Variants in TCF24 observed in about 807,000 individuals in gnomAD.
The protein encoded by TCF24 is transcription factor 24.
TCF24 carries 5 observed loss-of-function variants against 9.3 expected under a neutral mutation model. That is an observed-to-expected ratio of 0.54 (90% confidence interval 0.28 to 1.13). The LOEUF (loss-of-function observed/expected upper bound fraction) is 1.13. TCF24 is among the 50% of genes most tolerant of loss of function. The pLI, the probability that TCF24 is intolerant of heterozygous loss-of-function variation, is 0.09. For missense variants in TCF24, 220 were observed against 236.1 expected (o/e 0.93, Z 0.45); for synonymous variants, 110 against 115.8 (o/e 0.95, Z 0.32).
chr8:66,954,790 C>A (rs1048763471), intron 3 of TCF24, among the ~76,000 whole-genome samples: 4 of 152,286 alleles, frequency 2.6e-5, no homozygotes, highest in Admixed American at 2.0e-4. Flanking sequence ...GGGATATAAT[C>A]TCGTGGTGTG....
intron 3 of TCF24, 114 bp downstream of exon 3, chr8:66,961,262 C>T: frequency 7.8e-7 from 1 of 1,280,586 alleles, no homozygotes. Context: ...TCCCGGTCGG[C>T]TTCCCGCCTC....
rs899843871 is a variant in TCF24 at position 66,962,546 on chromosome 8, A to T, written c.-352T>A. 1.1e-4 allele frequency: 16 copies of T among 151,932 alleles called. No individual in the cohort carries two copies. The highest frequency in any genetic ancestry group is 3.9e-4 in the African/African-American group (16 of 41,380). 9.4% of individuals were successfully genotyped at this position (151,932 alleles called of 1,614,324 possible). On this transcript the variant is annotated 5_prime_UTR_variant, in exon 1 of 4. Coordinates refer to ENST00000563496, the MANE Select transcript of TCF24 (RefSeq NM_001193502.2). ...CGACCGGCTAAGGCAGGTCGGGCGG[A>T]GGACCTGGCCCACCGGAGAGGCTAC...
chr8:66,957,350 G>T (rs1324503698), intron 3 of TCF24, among the ~76,000 whole-genome samples: 1 of 150,638 alleles, frequency 6.6e-6, no homozygotes, highest in Non-Finnish European at 1.5e-5. Context: ...CCAGGAGGCG[G>T]AGGTTGCAGT....
chr8:66,948,200 A>G, intron 3 of TCF24, 36 bp from the exon 4 acceptor site: 1 of 1,458,412 alleles, frequency 6.9e-7, no homozygotes, highest in Non-Finnish European at 9.2e-7. Flanking sequence ...TTCAAAAGTT[A>G]GTATCTATGA....
intron 3 of TCF24, among the ~76,000 whole-genome samples, chr8:66,959,773 C>T (rs1814224580): frequency 6.6e-6 from 1 of 152,132 alleles, no homozygotes. Flanking sequence ...TAATCCTTGG[C>T]TTTGGATCAT....
At chr8:66,951,972 G>C (rs1814065886) in intron 3 of TCF24, among the ~76,000 whole-genome samples, 1 of 145,704 alleles carries the variant, frequency 6.9e-6, no homozygotes, top group South Asian at 2.3e-4. Flanking sequence ...GTGTCTATTT[G>C]ATTCTTCTCT....
intron 3 of TCF24, among the ~76,000 whole-genome samples, chr8:66,952,938 C>T (rs1181835976): frequency 2.6e-3 from 319 of 123,458 alleles, no homozygotes; most frequent in African/African-American, 9.7e-3. Context: ...TTTTGTTTTC[C>T]ATTTGCTTGG....
intron 3 of TCF24, among the ~76,000 whole-genome samples, chr8:66,949,554 G>A (rs1328779994): frequency 7.9e-5 from 12 of 152,048 alleles, no homozygotes; most frequent in South Asian, 2.1e-4. Context: ...GAATAATGCC[G>A]CAATAAACAT....
intron 3 of TCF24, among the ~76,000 whole-genome samples, chr8:66,954,457 A>G (rs1478720595): frequency 7.2e-5 from 11 of 152,216 alleles, no homozygotes; most frequent in African/African-American, 2.2e-4. Context: ...CCGTTCTCAG[A>G]TCTCCAGCTG....
intron 3 of TCF24, among the ~76,000 whole-genome samples, chr8:66,952,296 C>G (rs201987430): frequency 0.015 from 1,982 of 135,640 alleles, 5 homozygotes; most frequent in Admixed American, 0.026. Flanking sequence ...TATGTTGTGT[C>G]TTTGTTCTCG....
intron 3 of TCF24, 41 bp from the exon 4 acceptor site, chr8:66,948,205 C>A: frequency 1.4e-6 from 2 of 1,416,380 alleles, no homozygotes; most frequent in Admixed American, 2.2e-5. Flanking sequence ...AAGTTAGTAT[C>A]TATGACATAT....
In TCF24 at chr8:66,961,411, C is replaced by A; in HGVS notation, c.355G>T (p.Ala119Ser). The change falls in exon 3 of 4, where the codon GCC becomes TCC. Residue 119 changes from alanine (A) to serine (S), a missense_variant. Physicochemically the swap from Ala to Ser is moderately conservative, Grantham distance 99. Transcript: ENST00000563496. ...AEAPADAGLG[A>S]LRGDGYLHPV... is the part of the protein sequence containing the mutation. ...TGCAGGTAGCCATCGCCGCGCAGGG[C>A]GCCCAACCCGGCGTCCGCCGGCGCC... is the stretch of plus-strand genomic sequence containing the variant. The A allele has an allele frequency of 1.3e-6, 2 of 1,515,064 alleles. No individual in the cohort carries two copies. The highest frequency in any genetic ancestry group is 1.8e-6 in the Non-Finnish European group (2 of 1,138,102). The allele number at this position is 1,515,064 out of a possible 1,614,324, so 93.9% of individuals were successfully genotyped here. A position where few individuals can be genotyped will look rare whatever the true frequency, so the allele number is the denominator to read the frequency against.
At chr8:66,961,304 A>G in intron 3 of TCF24, 72 bp downstream of exon 3, 1 of 1,370,210 alleles carries the variant, frequency 7.3e-7, no homozygotes, top group South Asian at 1.6e-5. Flanking sequence ...TCTACCCAAG[A>G]CGGTGACTGG....
chr8:66,957,375 C>T (rs112345595), intron 3 of TCF24, among the ~76,000 whole-genome samples: 2,837 of 147,594 alleles, frequency 0.019, 69 homozygotes, highest in South Asian at 0.046. Flanking sequence ...CGAGATCACA[C>T]CACTGCACTC....
chr8:66,961,022 G>A (rs529860784), intron 3 of TCF24, among the ~76,000 whole-genome samples: 177 of 152,232 alleles, frequency 1.2e-3, no homozygotes, highest in Non-Finnish European at 2.3e-3. Flanking sequence ...ACTCTCAGAG[G>A]GTCATACATA....
At chr8:66,956,269 T>A (rs1585944782) in intron 3 of TCF24, among the ~76,000 whole-genome samples, 1 of 152,074 alleles carries the variant, frequency 6.6e-6, no homozygotes, top group East Asian at 1.9e-4. Flanking sequence ...ACTCAATTTT[T>A]AAAAATAATA....
Position 66,961,531 on chromosome 8 carries a change from C to G in TCF24, c.235G>C (p.Val79Leu), listed in dbSNP as rs538845993. 7.9e-6 allele frequency: 12 copies of G among 1,510,336 alleles called. No homozygotes were observed. Among genetic ancestry groups the G allele is most frequent in the South Asian group, 2.5e-5 (2 of 81,358 alleles). 93.6% of individuals were successfully genotyped at this position (1,510,336 alleles called of 1,614,324 possible). ...FLELQRTLPS[V>L]PPDTKLSKLD... ...TTGGACAGCTTGGTGTCGGGCGGCA[C>G]GGACGGCAGCGTGCGCTGCAGCTCC... is the stretch of plus-strand genomic sequence containing the variant. Residue 79 changes from valine (V) to leucine (L), a missense_variant, in exon 3 of 4, where the codon GTG becomes CTG. Coordinates refer to ENST00000563496, the MANE Select transcript of TCF24 (RefSeq NM_001193502.2).
At chr8:66,948,290 A>G (rs750914256) in intron 3 of TCF24, 126 bp from the exon 4 acceptor site, 43 of 595,728 alleles carry the variant, frequency 7.2e-5, no homozygotes, top group Non-Finnish European at 1.1e-4. Flanking sequence ...AATAACAATT[A>G]TAAGTATGAA....
At chr8:66,951,711 A>G (rs1814061395) in intron 3 of TCF24, among the ~76,000 whole-genome samples, 1 of 152,038 alleles carries the variant, frequency 6.6e-6, no homozygotes, top group South Asian at 2.1e-4. Flanking sequence ...TCGGCTGTGA[A>G]TCCATCTGGT....
Sources: allele counts gnomAD v4.1 joint callset (sites outside exome capture counted in the v4.1 genomes callset), GRCh38; gene constraint gnomAD v4.1.1; transcripts MANE v1.5; gene names NCBI Gene and HGNC (gene_info 2026-07-23, HGNC 2026-07-21).